The following PTPRQ variants were observed in gnomAD, a reference collection of about 807,000 sequenced individuals.
The protein encoded by PTPRQ is phosphatidylinositol phosphatase PTPRQ.
A neutral mutation model predicts 246.0 loss-of-function variants in PTPRQ; 199 were observed. The ratio of observed to expected loss-of-function variants is 0.81; its 90% CI spans 0.72 to 0.91. The LOEUF (loss-of-function observed/expected upper bound fraction) is 0.91. Among genes scored for constraint, PTPRQ ranks in the 40% least tolerant of loss-of-function variants. The probability of loss-of-function intolerance (pLI) is 0.00; values close to 1 mark genes in which losing one functional copy is unlikely to be tolerated. For synonymous variants in PTPRQ, 869 were observed against 853.2 expected, an observed-to-expected ratio of 1.02 and a Z score of -0.32; for missense variants, 2,624 against 2,528.4, an observed-to-expected ratio of 1.04 and a Z score of -0.81.
intron 14 of PTPRQ, among the ~76,000 whole-genome samples, chr12:80,504,466 A>G (rs891974272): frequency 6.6e-6 from 1 of 151,596 alleles, no homozygotes; most frequent in Non-Finnish European, 1.5e-5. Flanking sequence ...ATTTTATTTC[A>G]ATATCTGGAA....
intron 29 of PTPRQ, 104 bp downstream of exon 29, chr12:80,613,940 CT>C (rs1214123464): frequency 1.0e-5 from 13 of 1,274,778 alleles, no homozygotes; most frequent in Non-Finnish European, 1.3e-5. Flanking sequence ...TTTCCCATAT[CT>C]TTTTGTGAGA....
chr12:80,637,696 G>A (rs1430654169), intron 35 of PTPRQ, among the ~76,000 whole-genome samples: 2 of 152,134 alleles, frequency 1.3e-5, no homozygotes, highest in Non-Finnish European at 2.9e-5. Context: ...TGTTAATAAA[G>A]TCACTAAAAC....
chr12:80,677,293 T>C (rs1210332656), intron 43 of PTPRQ, among the ~76,000 whole-genome samples: 1 of 152,184 alleles, frequency 6.6e-6, no homozygotes, highest in Non-Finnish European at 1.5e-5. Context: ...GAAAACACAC[T>C]CTTGGAATTA....
chr12:80,635,793 G>A (rs1358677722), intron 35 of PTPRQ, among the ~76,000 whole-genome samples: 1 of 151,946 alleles, frequency 6.6e-6, no homozygotes, highest in African/African-American at 2.4e-5. Context: ...ACTACCATCA[G>A]GCTATTTTAA....
At chr12:80,625,744 G>T (rs377714783) in intron 33 of PTPRQ, among the ~76,000 whole-genome samples, 1 of 152,068 alleles carries the variant, frequency 6.6e-6, no homozygotes, top group Admixed American at 6.6e-5. Context: ...GGAAGATAAC[G>T]TATGCATTAT....
intron 33 of PTPRQ, among the ~76,000 whole-genome samples, chr12:80,623,268 A>T (rs1899065902): frequency 6.6e-6 from 1 of 152,182 alleles, no homozygotes. Context: ...CTCTACATGT[A>T]GTCAAGGAAA....
At chr12:80,573,172 C>G (rs1304687321) in intron 25 of PTPRQ, among the ~76,000 whole-genome samples, 1 of 151,978 alleles carries the variant, frequency 6.6e-6, no homozygotes, top group Non-Finnish European at 1.5e-5. Flanking sequence ...AAATATAGAA[C>G]TACTCATACT....
intron 8 of PTPRQ, among the ~76,000 whole-genome samples, chr12:80,476,115 G>T (rs73145135): frequency 0.19 from 28,713 of 151,078 alleles, 2,924 homozygotes; most frequent in Middle Eastern, 0.24. Context: ...GATCTCCTCT[G>T]ACTTAAGTTA....
rs951740116 is a variant in PTPRQ at position 80,495,058 on chromosome 12, C to A, written c.1666C>A (p.Pro556Thr). ...VSAFTIMGEG[P>T]PTVLSVRTRQ... ...TGCTTTCACCATCATGGGAGAAGGA[C>A]CACCAACAGTTCTCAGTGTTAGGAC... Residue 556 changes from proline (P) to threonine (T), a missense_variant, in exon 11 of 45, where the codon CCA becomes ACA. Physicochemically the swap from Pro to Thr is conservative, Grantham distance 38 (BLOSUM62 -1). Coordinates refer to ENST00000644991, the MANE Select transcript of PTPRQ (RefSeq NM_001145026.2). The A allele has an allele frequency of 6.4e-7, 1 of 1,550,500 alleles. No homozygotes were observed. Among genetic ancestry groups the A allele is most frequent in the Admixed American group, 2.0e-5 (1 of 50,932 alleles).
At chr12:80,678,933 T>C (rs1192981428) in intron 44 of PTPRQ, 53 bp from the exon 45 acceptor site, 2 of 1,505,158 alleles carry the variant, frequency 1.3e-6, no homozygotes. Context: ...AACATTTCAA[T>C]TTTGAACTGT....
At chr12:80,646,211 A>G (rs1364858131) in intron 35 of PTPRQ, among the ~76,000 whole-genome samples, 1 of 152,180 alleles carries the variant, frequency 6.6e-6, no homozygotes, top group East Asian at 1.9e-4. Flanking sequence ...ACCAATACTT[A>G]TGTATTGCTT....
chr12:80,477,269 C>T (rs1468550427), intron 8 of PTPRQ, among the ~76,000 whole-genome samples: 1 of 151,960 alleles, frequency 6.6e-6, no homozygotes, highest in Non-Finnish European at 1.5e-5. Context: ...TAAATTAAAA[C>T]GCAGTCTAAT....
chr12:80,676,093 A>G (rs868286351), intron 43 of PTPRQ, among the ~76,000 whole-genome samples: 1 of 152,018 alleles, frequency 6.6e-6, no homozygotes, highest in African/African-American at 2.4e-5. Flanking sequence ...TAGGCTCTTT[A>G]CTGTTTTTTC....
intron 25 of PTPRQ, among the ~76,000 whole-genome samples, chr12:80,569,319 C>T (rs1373198105): frequency 7.2e-6 from 1 of 139,604 alleles, no homozygotes; most frequent in East Asian, 2.1e-4. Flanking sequence ...GCATAGTATT[C>T]CATGGTGTAT....
In PTPRQ at chr12:80,495,996, T is replaced by C; in HGVS notation, c.1883-3T>C. 1 of 1,548,490 alleles carries C rather than the reference T, an allele frequency of 6.5e-7. No individual in the cohort carries two copies. Among genetic ancestry groups the C allele is most frequent in the African/African-American group, 1.4e-5 (1 of 72,920 alleles). On this transcript the variant is annotated splice_region_variant and splice_polypyrimidine_tract_variant and intron_variant, in intron 12 of 44. Coordinates refer to ENST00000644991, the MANE Select transcript of PTPRQ (RefSeq NM_001145026.2). ...TTAAACAGTTTGTCTCTTGTCCTTATAGGGTTAAAGAAATACACAAAATAC... is the reference window on the plus strand; with the variant it reads ...TTAAACAGTTTGTCTCTTGTCCTTACAGGGTTAAAGAAATACACAAAATAC...
At chr12:80,660,845 C>G (rs992370407) in intron 39 of PTPRQ, among the ~76,000 whole-genome samples, 28 of 151,996 alleles carry the variant, frequency 1.8e-4, no homozygotes, top group Admixed American at 1.6e-3. Context: ...ATTGATCGTC[C>G]TCTCTTCTTT....
intron 29 of PTPRQ, among the ~76,000 whole-genome samples, chr12:80,614,355 A>G (rs1012898387): frequency 6.6e-6 from 1 of 150,792 alleles, no homozygotes; most frequent in Non-Finnish European, 1.5e-5. Context: ...AGAGACATAT[A>G]CAGACACAAT....
intron 43 of PTPRQ, among the ~76,000 whole-genome samples, chr12:80,675,712 A>G (rs1468669321): frequency 6.6e-6 from 1 of 152,238 alleles, no homozygotes; most frequent in Non-Finnish European, 1.5e-5. Context: ...TAGTCAAAAT[A>G]TGTTATAAAC....
At chr12:80,578,389 T>G (rs1897333154) in intron 25 of PTPRQ, among the ~76,000 whole-genome samples, 1 of 151,734 alleles carries the variant, frequency 6.6e-6, no homozygotes, top group Non-Finnish European at 1.5e-5. Context: ...TTTATTTTTA[T>G]TTATTTATTT....
Sources: gnomAD v4.1 joint callset for allele counts (sites outside exome capture counted in the v4.1 genomes callset) on GRCh38, gnomAD v4.1.1 for gene constraint, MANE v1.5 for transcripts, NCBI Gene and HGNC (gene_info 2026-07-23, HGNC 2026-07-21) for gene names.